The following YTHDC2 variants were observed in gnomAD, a reference collection of about 807,000 sequenced individuals.
YTHDC2 encodes YTH N6-methyladenosine RNA binding protein C2.
In YTHDC2, 45 loss-of-function variants were observed where a neutral mutation model predicts 174.9. The ratio of observed to expected loss-of-function variants is 0.26; its 90% CI spans 0.20 to 0.33. The LOEUF is 0.33. YTHDC2 is among the 10% of genes least tolerant of loss of function. The pLI is 1.00. For synonymous variants in YTHDC2, 657 were observed against 574.5 expected (o/e 1.14, Z -2.05); for missense variants, 1,650 against 1,723.7 (o/e 0.96, Z 0.76).
rs775482339 is a variant in YTHDC2, at chr5:113,591,047, A to G, written c.3832A>G (p.Lys1278Glu). ...CTTATGTTTTCTTTTATAGGGCTCAAAATCTCCTTCGCCAAGACCAAACAT... is the reference window on the plus strand; with the variant it reads ...CTTATGTTTTCTTTTATAGGGCTCAGAATCTCCTTCGCCAAGACCAAACAT... Reference protein sequence around the residue: ...PSPPSSGKGSKSPSPRPNMPV... With the variant: ...PSPPSSGKGSESPSPRPNMPV... Residue 1278 changes from lysine to glutamate, a missense_variant, in exon 27 of 30, where the codon AAA becomes GAA. Physicochemically the swap from Lys to Glu is moderately conservative, Grantham distance 56 (BLOSUM62 1). Around this residue, in one of 5 missense-constraint regions of YTHDC2, gnomAD observed 913 missense variants for 940.4 expected, o/e 0.97. Coordinates refer to ENST00000161863, the MANE Select transcript of YTHDC2 (RefSeq NM_022828.5). The G allele has an allele frequency of 3.7e-6, 6 of 1,613,466 alleles. No individual in the cohort carries two copies. The highest frequency in any genetic ancestry group is 4.2e-6 in the Non-Finnish European group (5 of 1,179,732).
intron 2 of YTHDC2, among the ~76,000 whole-genome samples, chr5:113,517,874 C>T (rs531514560): frequency 2.6e-5 from 4 of 152,082 alleles, no homozygotes; most frequent in Admixed American, 2.6e-4. Context: ...TCTGTTCACC[C>T]TTTGACTTTA....
rs1368849549 is a variant in YTHDC2, at chr5:113,562,851, T to C, written c.2323-522T>C. Among the ~76,000 whole-genome samples, 5 of 152,326 alleles carry C rather than the reference T, an allele frequency of 3.3e-5. No homozygotes were observed. In the East Asian group the frequency reaches 9.6e-4, roughly 29 times the overall value. On this transcript the variant is annotated intron_variant, in intron 18 of 29. Transcript: ENST00000161863. ...CTTATTTAGCTCCCTATAGCCTTCA[T>C]AGCACTGACGATAATCGTAATTAAG...
At chr5:113,556,017 T>C (rs756672280) in intron 16 of YTHDC2, 35 bp from the exon 17 acceptor site, 1 of 1,345,762 alleles carries the variant, frequency 7.4e-7, no homozygotes, top group Non-Finnish European at 1.1e-6. Context: ...AAATACCTTT[T>C]ATATTCTAAC....
At chr5:113,576,151 A>G (rs1234426005) in intron 23 of YTHDC2, among the ~76,000 whole-genome samples, 1 of 152,122 alleles carries the variant, frequency 6.6e-6, no homozygotes, top group Non-Finnish European at 1.5e-5. Flanking sequence ...AGCTCAGGGA[A>G]GATGTCTGGG....
chr5:113,579,752 TATATA>T (rs1778284391), intron 24 of YTHDC2, 57 bp downstream of exon 24: 2 of 1,446,440 alleles, frequency 1.4e-6, no homozygotes, highest in Non-Finnish European at 9.2e-7. Flanking sequence ...TGTGAATTGA[TATATA>T]ATATGATAAA....
intron 2 of YTHDC2, 152 bp downstream of exon 2, chr5:113,515,514 A>G: frequency 3.0e-6 from 2 of 658,444 alleles, no homozygotes; most frequent in South Asian, 2.1e-5. Context: ...GTCTGTACCA[A>G]ATTCAACTCT....
At position 113,556,060 on chromosome 5, in the gene YTHDC2, T is replaced by A; in HGVS notation, c.2142T>A (p.Phe714Leu). ...TGGTTTAAATATTACAGAAATCCTT[T>A]GATGCTCTGAATTTTGTTACAATGT... ...IDSGKVKEKS[F>L]DALNFVTMLK... is the part of the protein sequence containing the mutation. Residue 714 changes from phenylalanine to leucine, a missense_variant, in exon 17 of 30, where the codon TTT becomes TTA. Transcript: ENST00000161863. The A allele has an allele frequency of 6.3e-7, 1 of 1,597,714 alleles. No homozygotes were observed.
intron 6 of YTHDC2, among the ~76,000 whole-genome samples, chr5:113,535,050 T>A (rs995588490): frequency 1.3e-5 from 2 of 152,230 alleles, no homozygotes; most frequent in Admixed American, 6.5e-5. Context: ...AAAAGCACAT[T>A]AAATTGGACT....
intron 5 of YTHDC2, 25 bp from the exon 6 acceptor site, chr5:113,534,280 C>T: frequency 1.3e-6 from 2 of 1,592,858 alleles, no homozygotes; most frequent in Non-Finnish European, 1.7e-6. Flanking sequence ...CAATTGTGCA[C>T]TTTGTTTTGC....
At chr5:113,519,848 A>T (rs1244963078) in intron 2 of YTHDC2, among the ~76,000 whole-genome samples, 1 of 152,216 alleles carries the variant, frequency 6.6e-6, no homozygotes, top group East Asian at 1.9e-4. Context: ...ATTCAGAGGT[A>T]ATTTAAATCA....
chr5:113,566,137 G>T, intron 21 of YTHDC2, 118 bp downstream of exon 21: 1 of 1,186,762 alleles, frequency 8.4e-7, no homozygotes. Context: ...ATCATGTTGT[G>T]TATCTTATAT....
In YTHDC2 at chr5:113,558,429, G is replaced by A. The variant is rs61270916; in HGVS notation, c.2216+2295G>A. Among the ~76,000 whole-genome samples, 896 of 152,070 alleles carry A rather than the reference G, an allele frequency of 5.9e-3. 8 individuals are homozygous for A. The highest frequency in any genetic ancestry group is 0.021 in the African/African-American group (859 of 41,454). Reference sequence around the variant, plus strand: ...TAGTCTGGATTGTTTTAGTGGTGGTGGAAATAAAAATAAATAGATAATTAA... The same window carrying A: ...TAGTCTGGATTGTTTTAGTGGTGGTAGAAATAAAAATAAATAGATAATTAA... On this transcript the variant is annotated intron_variant, in intron 17 of 29. Coordinates refer to ENST00000161863, the MANE Select transcript of YTHDC2 (RefSeq NM_022828.5).
At position 113,526,622 on chromosome 5, in the gene YTHDC2, A is replaced by G. The variant is rs1774257716; in HGVS notation, c.512A>G (p.Asn171Ser). 2 of 1,578,884 alleles carry G rather than the reference A, an allele frequency of 1.3e-6. No individual in the cohort carries two copies. The highest frequency in any genetic ancestry group is 1.7e-6 in the Non-Finnish European group (2 of 1,160,592). Residue 171 changes from asparagine (N) to serine (S), a missense_variant, in exon 4 of 30, where the codon AAC becomes AGC. Physicochemically the swap from Asn to Ser is conservative, Grantham distance 46 (BLOSUM62 1). This residue lies in a region of YTHDC2 where 304 missense variants were observed against 341.4 expected (regional missense o/e 0.89). Coordinates refer to ENST00000161863, the MANE Select transcript of YTHDC2 (RefSeq NM_022828.5). ...ATGAGCAAGACAAGTGGGCGACTCA[A>G]CAATGGCATACCTCAGATTCCAGTG... ...REMSKTSGRL[N>S]NGIPQIPVKR...
Position 113,593,971 on chromosome 5 carries a change from C to T in YTHDC2, c.*497C>T, listed in dbSNP as rs1467141158. 1 of 152,136 alleles carries T rather than the reference C, an allele frequency of 6.6e-6. No individual in the cohort carries two copies. The highest frequency in any genetic ancestry group is 2.4e-5 in the African/African-American group (1 of 41,422). The allele number at this position is 152,136 out of a possible 1,614,324, so 9.4% of individuals were successfully genotyped here. A position where few individuals can be genotyped will look rare whatever the true frequency, so the allele number is the denominator to read the frequency against. On this transcript the variant is annotated 3_prime_UTR_variant, in exon 30 of 30. Coordinates refer to ENST00000161863, the MANE Select transcript of YTHDC2 (RefSeq NM_022828.5). Reference sequence around the variant, plus strand: ...ACAACAACAAAAAACCAGTGAAATTCTACAAGTGTCCCTTTTAAAAATAGT... The same window carrying T: ...ACAACAACAAAAAACCAGTGAAATTTTACAAGTGTCCCTTTTAAAAATAGT...
chr5:113,589,915 T>TTTTC (rs1275032154), intron 26 of YTHDC2, among the ~76,000 whole-genome samples: 1 of 152,202 alleles, frequency 6.6e-6, no homozygotes. Flanking sequence ...TTTCTTTTAC[T>TTTTC]TTTCTTTCTG....
chr5:113,531,440 C>A (rs886312698), intron 4 of YTHDC2, among the ~76,000 whole-genome samples: 1 of 151,940 alleles, frequency 6.6e-6, no homozygotes, highest in African/African-American at 2.4e-5. Context: ...TTGACATTGC[C>A]TACCTCCTGA....
chr5:113,572,389 G>A (rs1777782796), intron 23 of YTHDC2, among the ~76,000 whole-genome samples: 1 of 152,210 alleles, frequency 6.6e-6, no homozygotes, highest in Non-Finnish European at 1.5e-5. Flanking sequence ...TTCCAGTTAT[G>A]TGATCAATTT....
intron 17 of YTHDC2, among the ~76,000 whole-genome samples, chr5:113,559,265 A>T (rs1052827638): frequency 6.6e-6 from 1 of 152,278 alleles, no homozygotes; most frequent in Middle Eastern, 3.4e-3. Context: ...GAGTTCAAAA[A>T]TTTTTTGCAC....
chr5:113,549,124 T>A, intron 12 of YTHDC2, 104 bp downstream of exon 12: 1 of 954,066 alleles, frequency 1.0e-6, no homozygotes, highest in Non-Finnish European at 1.5e-6. Flanking sequence ...TAGTCTTTTA[T>A]CCAGAGATTT....
Sources: allele counts gnomAD v4.1 joint callset (sites outside exome capture counted in the v4.1 genomes callset), GRCh38; gene constraint gnomAD v4.1.1; regional missense constraint gnomAD v4.1.1; transcripts MANE v1.5; gene names NCBI Gene and HGNC (gene_info 2026-07-23, HGNC 2026-07-21).